Variants in EDIL3 observed in about 807,000 individuals in gnomAD.
The protein encoded by EDIL3 is EGF like and discoidin domains 3.
In EDIL3, 37 loss-of-function variants were observed where a neutral mutation model predicts 67.4. The observed-to-expected ratio is 0.55, with a 90% CI of 0.42 to 0.72. EDIL3 has a LOEUF of 0.72. Among genes scored for constraint, EDIL3 ranks in the 30% least tolerant of loss-of-function variants. The pLI is 0.00. For missense variants in EDIL3, 527 were observed against 586.3 expected, an observed-to-expected ratio of 0.90 and a Z score of 1.04; for synonymous variants, 195 against 196.3, an observed-to-expected ratio of 0.99 and a Z score of 0.05.
intron 6 of EDIL3, among the ~76,000 whole-genome samples, chr5:84,102,830 T>C (rs531531263): frequency 4.6e-5 from 7 of 152,072 alleles, no homozygotes; most frequent in African/African-American, 1.7e-4. Flanking sequence ...TCAATGCTAA[T>C]CCTATCAAAC....
Position 84,060,370 on chromosome 5 carries a change from G to A in EDIL3, c.1067C>T (p.Ala356Val). 6.2e-7 allele frequency: 1 copy of A among 1,613,850 alleles called. No homozygotes were observed. The highest frequency in any genetic ancestry group is 8.5e-7 in the Non-Finnish European group (1 of 1,179,854). Residue 356 changes from alanine (A) to valine (V), a missense_variant, in exon 9 of 11, where the codon GCT becomes GTT. Physicochemically the swap from Ala to Val is moderately conservative, Grantham distance 64 (BLOSUM62 0). Around this residue, in one of 2 missense-constraint regions of EDIL3, gnomAD observed 494 missense variants for 522.5 expected, o/e 0.95. Transcript: ENST00000296591. ...CACTTTGCCTTGCTTGTCCAGCCGA[G>A]CTTTCCTTGGTTCCCAAGTGAACAT... is the stretch of plus-strand genomic sequence containing the variant. ...MDMFTWEPRK[A>V]RLDKQGKVNA...
At chr5:84,085,221 T>A (rs1747047381) in intron 6 of EDIL3, among the ~76,000 whole-genome samples, 1 of 152,198 alleles carries the variant, frequency 6.6e-6, no homozygotes, top group Non-Finnish European at 1.5e-5. Flanking sequence ...GCACCCTTGC[T>A]GGAGAGTTGT....
At chr5:84,135,531 C>G (rs1203337475) in intron 5 of EDIL3, among the ~76,000 whole-genome samples, 1 of 152,172 alleles carries the variant, frequency 6.6e-6, no homozygotes, top group Non-Finnish European at 1.5e-5. Context: ...AGCACAACTT[C>G]CAGTGTTGAC....
At chr5:84,171,502 T>A (rs2112349073) in intron 4 of EDIL3, among the ~76,000 whole-genome samples, 1 of 152,256 alleles carries the variant, frequency 6.6e-6, no homozygotes, top group East Asian at 1.9e-4. Flanking sequence ...GTGGATCCGA[T>A]TAAGTGAGGG....
intron 3 of EDIL3, among the ~76,000 whole-genome samples, chr5:84,205,071 C>A (rs529619318): frequency 7.6e-6 from 1 of 130,964 alleles, no homozygotes; most frequent in East Asian, 2.5e-4. Flanking sequence ...TGCCACCATG[C>A]CCTGGAAGAT....
chr5:84,259,210 TG>T (rs1420277354), intron 1 of EDIL3, among the ~76,000 whole-genome samples: 1 of 151,994 alleles, frequency 6.6e-6, no homozygotes, highest in Non-Finnish European at 1.5e-5. Flanking sequence ...CTGCCTGCCT[TG>T]CCCTCCCAAA....
intron 9 of EDIL3, among the ~76,000 whole-genome samples, chr5:84,057,143 TAGA>T (rs1746462438): frequency 1.3e-5 from 2 of 152,238 alleles, no homozygotes; most frequent in East Asian, 1.9e-4. Context: ...AGACATATAT[TAGA>T]AGAACTACTC....
At chr5:84,254,002 T>G in intron 2 of EDIL3, 82 bp downstream of exon 2, 1 of 1,388,346 alleles carries the variant, frequency 7.2e-7, no homozygotes, top group Non-Finnish European at 9.5e-7. Flanking sequence ...ACAACTAATC[T>G]CCATAATGCA....
At chr5:83,973,234 T>G (rs1307725183) in intron 9 of EDIL3, among the ~76,000 whole-genome samples, 2 of 152,082 alleles carry the variant, frequency 1.3e-5, no homozygotes, top group African/African-American at 4.8e-5. Context: ...GGGTGGTGGT[T>G]AATTGAATTA....
intron 9 of EDIL3, among the ~76,000 whole-genome samples, chr5:84,012,932 T>C (rs1225911953): frequency 2.0e-5 from 3 of 152,046 alleles, no homozygotes; most frequent in African/African-American, 7.2e-5. Flanking sequence ...TATATTATCA[T>C]TTATATGAAA....
intron 6 of EDIL3, among the ~76,000 whole-genome samples, chr5:84,088,911 A>G (rs904546098): frequency 2.0e-5 from 3 of 152,212 alleles, no homozygotes; most frequent in Non-Finnish European, 4.4e-5. Context: ...TGTAACCAAC[A>G]TATGATATAA....
At chr5:84,287,155 G>A (rs990696714) in intron 1 of EDIL3, among the ~76,000 whole-genome samples, 3 of 152,086 alleles carry the variant, frequency 2.0e-5, no homozygotes, top group Non-Finnish European at 4.4e-5. Flanking sequence ...AGATGCATAC[G>A]TTCTATTGAG....
At chr5:84,328,975 A>G (rs1011925122) in intron 1 of EDIL3, among the ~76,000 whole-genome samples, 12 of 152,068 alleles carry the variant, frequency 7.9e-5, no homozygotes, top group African/African-American at 2.9e-4. Flanking sequence ...CAGTCTTACC[A>G]AGGCTGAAAA....
intron 10 of EDIL3, among the ~76,000 whole-genome samples, chr5:83,952,198 CAA>C (rs1744435110): frequency 6.6e-6 from 1 of 151,724 alleles, no homozygotes; most frequent in Non-Finnish European, 1.5e-5. Flanking sequence ...AAAATCAAAG[CAA>C]AAGAGTCCAT....
At chr5:84,142,279 T>C (rs1267750199) in intron 4 of EDIL3, among the ~76,000 whole-genome samples, 1 of 152,002 alleles carries the variant, frequency 6.6e-6, no homozygotes, top group Non-Finnish European at 1.5e-5. Flanking sequence ...TCTCAGAGAA[T>C]TATATTGAAA....
chr5:84,224,864 C>G (rs565980634), intron 3 of EDIL3, among the ~76,000 whole-genome samples: 1 of 151,474 alleles, frequency 6.6e-6, no homozygotes, highest in Non-Finnish European at 1.5e-5. Flanking sequence ...TATCAACATA[C>G]TTAGATTAAA....
At chr5:84,107,709 T>C (rs1031153123) in intron 5 of EDIL3, among the ~76,000 whole-genome samples, 1 of 150,612 alleles carries the variant, frequency 6.6e-6, no homozygotes, top group African/African-American at 2.4e-5. Context: ...TTTTTCAAAT[T>C]AGAAATGGAG....
intron 6 of EDIL3, among the ~76,000 whole-genome samples, chr5:84,095,246 T>C (rs150506446): frequency 2.0e-5 from 3 of 152,246 alleles, no homozygotes; most frequent in African/African-American, 7.2e-5. Flanking sequence ...CAAGTGTAAA[T>C]TGGTACCAGT....
intron 10 of EDIL3, 49 bp downstream of exon 10, chr5:83,963,156 A>T (rs1697811035): frequency 6.5e-6 from 10 of 1,545,596 alleles, no homozygotes; most frequent in Non-Finnish European, 8.7e-6. Flanking sequence ...ACTTGGGTGT[A>T]ATTTGATCCT....
Sources: gnomAD v4.1 joint callset for allele counts (sites outside exome capture counted in the v4.1 genomes callset) on GRCh38, gnomAD v4.1.1 for gene constraint, gnomAD v4.1.1 regional missense constraint, MANE v1.5 for transcripts, NCBI Gene and HGNC (gene_info 2026-07-23, HGNC 2026-07-21) for gene names.